The following CEP112 variants were observed in gnomAD, a reference collection of about 807,000 sequenced individuals.
CEP112 encodes centrosomal protein of 112 kDa.
Under a neutral mutation model 153.0 loss-of-function variants are expected in CEP112, and 127 were observed. The ratio of observed to expected loss-of-function variants is 0.83; its 90% CI spans 0.72 to 0.96. The LOEUF (loss-of-function observed/expected upper bound fraction) is 0.96, where lower values mean the gene tolerates loss of function less well. Among genes scored for constraint, CEP112 ranks in the 40% least tolerant of loss-of-function variants. The probability of loss-of-function intolerance (pLI) is 0.00; values close to 1 mark genes in which losing one functional copy is unlikely to be tolerated. For synonymous variants in CEP112, 358 were observed against 374.4 expected (o/e 0.96, Z 0.51); for missense variants, 1,089 against 1,101.2 (o/e 0.99, Z 0.16).
intron 10 of CEP112, among the ~76,000 whole-genome samples, chr17:66,065,684 C>T (rs1353616352): frequency 6.7e-6 from 1 of 148,812 alleles, no homozygotes; most frequent in African/African-American, 2.5e-5. Flanking sequence ...GGCTGGAGTG[C>T]AGTGGCACGG....
chr17:65,970,068 G>A (rs992117004), intron 17 of CEP112, among the ~76,000 whole-genome samples: 3 of 152,288 alleles, frequency 2.0e-5, no homozygotes, highest in East Asian at 1.9e-4. Flanking sequence ...CATGTGTATT[G>A]CAAACATGCA....
chr17:66,190,884 A>T (rs2146965953), intron 1 of CEP112, among the ~76,000 whole-genome samples: 1 of 152,344 alleles, frequency 6.6e-6, no homozygotes, highest in South Asian at 2.1e-4. Context: ...GCCAAACAAA[A>T]CAAACGTTCT....
rs181221914 is a variant in CEP112, at chr17:66,111,530, G to A, written c.643-14898C>T. Among the ~76,000 whole-genome samples the A allele has an allele frequency of 1.2e-4, 18 of 152,316 alleles. No individual in the cohort carries two copies. In the East Asian group the frequency reaches 3.5e-3, roughly 29 times the overall value. On this transcript the variant is annotated intron_variant, in intron 6 of 26. Transcript: ENST00000535342. ...GGAATACTATGCAGTGATAAAAAAG[G>A]ATGAGATCATTTCTTTTGCAAGAAC...
At chr17:66,085,761 G>A (rs1417089715) in intron 8 of CEP112, among the ~76,000 whole-genome samples, 5 of 152,098 alleles carry the variant, frequency 3.3e-5, no homozygotes, top group South Asian at 2.1e-4. Flanking sequence ...GGCGGATCAC[G>A]AGGTCAGGAG....
intron 4 of CEP112, among the ~76,000 whole-genome samples, chr17:66,149,350 T>G (rs1331474402): frequency 6.6e-6 from 1 of 152,224 alleles, no homozygotes; most frequent in East Asian, 1.9e-4. Context: ...TGGCCTCACG[T>G]GATAAATTTA....
chr17:66,000,230 G>GTT (rs71361253), intron 17 of CEP112, among the ~76,000 whole-genome samples: 58,872 of 142,336 alleles, frequency 0.41, 13,036 homozygotes, highest in East Asian at 0.84. Context: ...ACTGGCATCT[G>GTT]TTTTTTTTTT....
intron 20 of CEP112, among the ~76,000 whole-genome samples, chr17:65,891,759 C>A (rs908743976): frequency 2.0e-5 from 3 of 152,186 alleles, no homozygotes; most frequent in African/African-American, 7.2e-5. Flanking sequence ...CTTTCTCATA[C>A]CTGCTATGCT....
intron 17 of CEP112, among the ~76,000 whole-genome samples, chr17:65,974,768 A>T (rs1212057201): frequency 6.6e-6 from 1 of 152,198 alleles, no homozygotes; most frequent in Non-Finnish European, 1.5e-5. Context: ...ATATGCATGT[A>T]TCTGCTTATT....
chr17:65,650,897 CT>C (rs570279238), intron 24 of CEP112, among the ~76,000 whole-genome samples: 7 of 151,580 alleles, frequency 4.6e-5, no homozygotes, highest in Middle Eastern at 3.4e-3. Flanking sequence ...CTCTCGCTCT[CT>C]TTTTTTTCTC....
chr17:65,864,393 C>A (rs2058413978), intron 20 of CEP112, among the ~76,000 whole-genome samples: 1 of 152,166 alleles, frequency 6.6e-6, no homozygotes. Flanking sequence ...GATTAGATTT[C>A]AAGAGAAGCA....
Position 65,635,813 on chromosome 17 carries a change from T to C in CEP112, c.*158A>G. ...GCAGACACAAATAAAACCACCCCACTAGTGTATGAATGATGCATGTTTTTA... is the reference window on the plus strand; with the variant it reads ...GCAGACACAAATAAAACCACCCCACCAGTGTATGAATGATGCATGTTTTTA... On this transcript the variant is annotated 3_prime_UTR_variant, in exon 27 of 27. Transcript: ENST00000535342. The C allele has an allele frequency of 2.9e-6, 2 of 701,508 alleles. No individual in the cohort carries two copies. The highest frequency in any genetic ancestry group is 4.8e-6 in the Non-Finnish European group (2 of 420,132). 43.5% of individuals were successfully genotyped at this position (701,508 alleles called of 1,614,324 possible).
intron 24 of CEP112, among the ~76,000 whole-genome samples, chr17:65,680,642 T>C (rs1026682620): frequency 1.3e-5 from 2 of 152,130 alleles, no homozygotes; most frequent in Admixed American, 6.6e-5. Context: ...GGGAGTTTGA[T>C]GGAAAAAGCT....
chr17:65,868,143 T>C (rs1292062258), intron 20 of CEP112, among the ~76,000 whole-genome samples: 1 of 152,144 alleles, frequency 6.6e-6, no homozygotes, highest in African/African-American at 2.4e-5. Flanking sequence ...CTTCAGATTT[T>C]TATTTGTCTA....
intron 8 of CEP112, among the ~76,000 whole-genome samples, chr17:66,074,656 A>G (rs1299047421): frequency 6.6e-6 from 1 of 152,092 alleles, no homozygotes; most frequent in East Asian, 1.9e-4. Context: ...CAAGGTCAAG[A>G]GTTCGAGGCC....
intron 2 of CEP112, among the ~76,000 whole-genome samples, chr17:66,180,436 T>C (rs2072673590): frequency 6.6e-6 from 1 of 152,146 alleles, no homozygotes; most frequent in Non-Finnish European, 1.5e-5. Context: ...ATTTTAATTA[T>C]GTAAACCTTG....
At chr17:66,058,392 A>G (rs1356784451) in intron 11 of CEP112, among the ~76,000 whole-genome samples, 4 of 152,174 alleles carry the variant, frequency 2.6e-5, no homozygotes. Context: ...CCACATGACT[A>G]GAAATAACAA....
At chr17:65,897,405 T>C (rs2059694570) in intron 20 of CEP112, among the ~76,000 whole-genome samples, 1 of 152,138 alleles carries the variant, frequency 6.6e-6, no homozygotes, top group Non-Finnish European at 1.5e-5. Context: ...TATCATTTGA[T>C]TTTATAATTT....
At chr17:65,979,384 C>A (rs1791956201) in intron 17 of CEP112, among the ~76,000 whole-genome samples, 1 of 152,014 alleles carries the variant, frequency 6.6e-6, no homozygotes, top group Non-Finnish European at 1.5e-5. Context: ...CAGGTCCACA[C>A]CTCTACGCGG....
intron 21 of CEP112, among the ~76,000 whole-genome samples, chr17:65,843,932 TAAATCATAAAAGGC>T (rs1475804643): frequency 6.6e-6 from 1 of 152,178 alleles, no homozygotes; most frequent in Non-Finnish European, 1.5e-5. Flanking sequence ...ATCATAAAAT[TAAATCATAAAAGGC>T]AAATGCCAAA....
Sources: gnomAD v4.1 joint callset for allele counts (sites outside exome capture counted in the v4.1 genomes callset) on GRCh38, gnomAD v4.1.1 for gene constraint, MANE v1.5 for transcripts, NCBI Gene and HGNC (gene_info 2026-07-23, HGNC 2026-07-21) for gene names.